The following ARID4B variants were observed in gnomAD, a reference collection of about 807,000 sequenced individuals.
The protein encoded by ARID4B is AT-rich interactive domain-containing protein 4B.
A neutral mutation model predicts 147.5 loss-of-function variants in ARID4B; 26 were observed. That is an observed-to-expected ratio of 0.18 (90% CI 0.13 to 0.24). The LOEUF is 0.24. Ranked by LOEUF, ARID4B falls within the 10% of genes least tolerant of loss-of-function variation. The pLI, the probability that ARID4B is intolerant of heterozygous loss-of-function variation, is 1.00. For synonymous variants in ARID4B, 512 were observed against 507.9 expected (o/e 1.01, Z -0.11); for missense variants, 1,179 against 1,511.5 (o/e 0.78, Z 3.65).
At chr1:235,243,984 C>T (rs965030759) in intron 7 of ARID4B, among the ~76,000 whole-genome samples, 2 of 151,974 alleles carry the variant, frequency 1.3e-5, no homozygotes, top group Non-Finnish European at 2.9e-5. Context: ...TATGAATATA[C>T]TAAAAACCAC....
At chr1:235,224,353 GC>G (rs1448009644) in intron 12 of ARID4B, among the ~76,000 whole-genome samples, 2 of 152,172 alleles carry the variant, frequency 1.3e-5, no homozygotes, top group Non-Finnish European at 2.9e-5. Context: ...AATAAGCTGA[GC>G]CAAGGCTCAC....
intron 2 of ARID4B, among the ~76,000 whole-genome samples, chr1:235,307,428 G>A (rs1033766658): frequency 1.3e-5 from 2 of 152,112 alleles, no homozygotes; most frequent in Non-Finnish European, 2.9e-5. Context: ...CTAAGTGACA[G>A]AGCTAGGCCC....
chr1:235,304,085 G>A (rs1017337273), intron 2 of ARID4B, among the ~76,000 whole-genome samples: 32 of 152,196 alleles, frequency 2.1e-4, no homozygotes, highest in African/African-American at 4.8e-5. Flanking sequence ...GGCCAGGCAC[G>A]GTGGCTCACG....
Position 235,255,513 on chromosome 1 carries a change from T to A in ARID4B, c.274+147A>T, listed in dbSNP as rs892059283. The A allele has an allele frequency of 5.8e-6, 3 of 520,650 alleles. No individual in the cohort carries two copies. The African/African-American group carries it at 5.9e-5, about 10-fold the overall frequency. The allele number at this position is 520,650 out of a possible 1,614,324, so 32.3% of individuals were successfully genotyped here. A position where few individuals can be genotyped will look rare whatever the true frequency, so the allele number is the denominator to read the frequency against. Reference sequence around the variant, plus strand: ...ACATACATATACTTTGGAAATAAATTTTTAAAAGATGTGGAAAGATAAAAT... The same window carrying A: ...ACATACATATACTTTGGAAATAAATATTTAAAAGATGTGGAAAGATAAAAT... On this transcript the variant is annotated intron_variant, in intron 5 of 23. Coordinates refer to ENST00000264183, the MANE Select transcript of ARID4B (RefSeq NM_016374.6).
At chr1:235,177,758 C>T (rs1342541179) in intron 21 of ARID4B, 42 bp downstream of exon 21, 3 of 1,335,616 alleles carry the variant, frequency 2.2e-6, no homozygotes, top group Non-Finnish European at 3.2e-6. Flanking sequence ...AAATTATCAG[C>T]TATTATTTTT....
At chr1:235,240,927 C>T (rs1668942925) in intron 7 of ARID4B, among the ~76,000 whole-genome samples, 1 of 152,166 alleles carries the variant, frequency 6.6e-6, no homozygotes, top group African/African-American at 2.4e-5. Context: ...GAGATCACCA[C>T]TGCTATCCAT....
intron 17 of ARID4B, among the ~76,000 whole-genome samples, chr1:235,208,121 A>G (rs2102994626): frequency 6.6e-6 from 1 of 152,364 alleles, no homozygotes; most frequent in African/African-American, 2.4e-5. Context: ...GAGAAAATTC[A>G]ATCAGTATTG....
intron 2 of ARID4B, among the ~76,000 whole-genome samples, chr1:235,280,923 G>C (rs574791655): frequency 1.1e-4 from 17 of 151,384 alleles, no homozygotes; most frequent in Admixed American, 2.0e-4. Flanking sequence ...CTAATTCTCA[G>C]TTCAAAAATT....
chr1:235,226,614 C>A (rs1430180375), intron 11 of ARID4B, among the ~76,000 whole-genome samples: 1 of 151,922 alleles, frequency 6.6e-6, no homozygotes, highest in African/African-American at 2.4e-5. Context: ...CTCCGCCTCC[C>A]GGGTTGACAC....
chr1:235,224,425 T>C (rs1667694086), intron 12 of ARID4B, among the ~76,000 whole-genome samples: 1 of 152,198 alleles, frequency 6.6e-6, no homozygotes, highest in South Asian at 2.1e-4. Flanking sequence ...TTGCTACTGT[T>C]CTTTAGGGAC....
intron 20 of ARID4B, among the ~76,000 whole-genome samples, chr1:235,179,860 A>G (rs1388150374): frequency 6.6e-6 from 1 of 151,956 alleles, no homozygotes; most frequent in African/African-American, 2.4e-5. Context: ...CATGAGGTCA[A>G]GAGATAGAGA....
chr1:235,309,794 T>C (rs539002264), intron 2 of ARID4B, among the ~76,000 whole-genome samples: 2 of 152,244 alleles, frequency 1.3e-5, no homozygotes, highest in African/African-American at 4.8e-5. Context: ...TAGAAAGAAG[T>C]AGACATGGGA....
intron 2 of ARID4B, among the ~76,000 whole-genome samples, chr1:235,314,705 T>C (rs1422033517): frequency 3.9e-5 from 6 of 152,156 alleles, no homozygotes; most frequent in African/African-American, 1.4e-4. Context: ...ATCTGGTTTA[T>C]ATTTAATTTA....
rs752481013 is a variant in ARID4B at position 235,234,543 on chromosome 1, G to GT, written c.586-52dup. The GT allele has an allele frequency of 2.4e-6, 3 of 1,233,204 alleles. No individual in the cohort carries two copies. The South Asian group carries it at 3.9e-5, about 16-fold the overall frequency. The allele number at this position is 1,233,204 out of a possible 1,614,324, so 76.4% of individuals were successfully genotyped here. On this transcript the variant is annotated intron_variant, in intron 8 of 23. Coordinates refer to ENST00000264183, the MANE Select transcript of ARID4B (RefSeq NM_016374.6). ...TATAACTAAAAGAACTCATAGATAG[G>GT]TAAGTACCCACCATTTAAATCCTTT...
At chr1:235,264,529 C>T (rs915760965) in intron 2 of ARID4B, among the ~76,000 whole-genome samples, 1 of 152,200 alleles carries the variant, frequency 6.6e-6, no homozygotes, top group African/African-American at 2.4e-5. Flanking sequence ...CTACTCCTTA[C>T]ACCAACTAGA....
intron 2 of ARID4B, among the ~76,000 whole-genome samples, chr1:235,275,340 A>G (rs1309561895): frequency 6.6e-6 from 1 of 152,232 alleles, no homozygotes; most frequent in Non-Finnish European, 1.5e-5. Context: ...TTAACCAATT[A>G]GCCGGTAGAG....
intron 8 of ARID4B, among the ~76,000 whole-genome samples, chr1:235,235,815 A>G (rs1291240705): frequency 6.6e-6 from 1 of 152,176 alleles, no homozygotes; most frequent in African/African-American, 2.4e-5. Flanking sequence ...ACTGAGAGTA[A>G]GTCTCAATTA....
intron 19 of ARID4B, among the ~76,000 whole-genome samples, chr1:235,187,286 G>A (rs1010763774): frequency 1.1e-4 from 17 of 151,620 alleles, no homozygotes; most frequent in Non-Finnish European, 1.9e-4. Context: ...GTTTCTCCCT[G>A]TTGGTCAGGC....
chr1:235,287,312 T>C (rs1672041864), intron 2 of ARID4B, among the ~76,000 whole-genome samples: 1 of 152,080 alleles, frequency 6.6e-6, no homozygotes, highest in Non-Finnish European at 1.5e-5. Context: ...CTGACTTCTA[T>C]TTCAGAAGAG....
Sources: gnomAD v4.1 joint callset for allele counts (sites outside exome capture counted in the v4.1 genomes callset) on GRCh38, gnomAD v4.1.1 for gene constraint, MANE v1.5 for transcripts, NCBI Gene and HGNC (gene_info 2026-07-23, HGNC 2026-07-21) for gene names.